The following ADAMTS16 variants were observed in gnomAD, a reference collection of about 807,000 sequenced individuals.
The protein encoded by ADAMTS16 is ADAM metallopeptidase with thrombospondin type 1 motif 16.
ADAMTS16 carries 94 observed loss-of-function variants against 145.8 expected under a neutral mutation model. The observed-to-expected ratio is 0.64, with a 90% CI of 0.55 to 0.77. The LOEUF (loss-of-function observed/expected upper bound fraction) is 0.77, where lower values mean the gene tolerates loss of function less well. Among genes scored for constraint, ADAMTS16 ranks in the 30% least tolerant of loss-of-function variants. ADAMTS16 has a pLI of 0.00. For missense variants in ADAMTS16, 1,585 were observed against 1,591.5 expected (o/e 1.00, Z 0.07); for synonymous variants, 659 against 604.3 (o/e 1.09, Z -1.33).
intron 4 of ADAMTS16, among the ~76,000 whole-genome samples, chr5:5,184,244 T>G (rs1028180437): frequency 1.3e-4 from 19 of 150,772 alleles, no homozygotes; most frequent in African/African-American, 4.6e-4. Context: ...CACCGATGCA[T>G]GGATGTACCA....
At chr5:5,189,846 T>C (rs1735608823) in intron 6 of ADAMTS16, 125 bp from the exon 7 acceptor site, 1 of 1,177,056 alleles carries the variant, frequency 8.5e-7, no homozygotes. Flanking sequence ...CGTTAGCTTA[T>C]ATGCCATCCA....
At chr5:5,306,034 C>T (rs1333928215) in intron 20 of ADAMTS16, among the ~76,000 whole-genome samples, 1 of 152,202 alleles carries the variant, frequency 6.6e-6, no homozygotes, top group Non-Finnish European at 1.5e-5. Flanking sequence ...ACGCACGCTT[C>T]CTTTCCTCGC....
chr5:5,258,756 G>A (rs1737887450), intron 17 of ADAMTS16, among the ~76,000 whole-genome samples: 1 of 152,150 alleles, frequency 6.6e-6, no homozygotes, highest in South Asian at 2.1e-4. Context: ...AGGCTGGGAA[G>A]TCCAGAGCTG....
chr5:5,280,904 G>A (rs1164355864), intron 18 of ADAMTS16, among the ~76,000 whole-genome samples: 1 of 152,178 alleles, frequency 6.6e-6, no homozygotes, highest in East Asian at 1.9e-4. Flanking sequence ...CCAAGTCTGG[G>A]AACCCTCTCA....
At chr5:5,231,182 G>A (rs866168777) in intron 11 of ADAMTS16, among the ~76,000 whole-genome samples, 19 of 152,196 alleles carry the variant, frequency 1.2e-4, no homozygotes, top group African/African-American at 1.2e-4. Flanking sequence ...GTTCTACACC[G>A]GGTGGGAGGG....
At chr5:5,196,918 G>C (rs1182606955) in intron 8 of ADAMTS16, among the ~76,000 whole-genome samples, 1 of 152,164 alleles carries the variant, frequency 6.6e-6, no homozygotes, top group Non-Finnish European at 1.5e-5. Flanking sequence ...TGAGGTCCCT[G>C]CACCTCCACA....
chr5:5,191,285 G>A (rs1340307328), intron 7 of ADAMTS16, among the ~76,000 whole-genome samples: 1 of 152,200 alleles, frequency 6.6e-6, no homozygotes, highest in Non-Finnish European at 1.5e-5. Context: ...GGACCTCCCA[G>A]CACACCCATT....
At chr5:5,277,174 G>T (rs2964390) in intron 18 of ADAMTS16, among the ~76,000 whole-genome samples, 151,622 of 152,338 alleles carry the variant, frequency 1, 75,459 homozygotes, top group East Asian at 1. Context: ...GGTTTGCTAA[G>T]GTAATTTAAA....
intron 6 of ADAMTS16, among the ~76,000 whole-genome samples, chr5:5,188,257 C>A (rs1303501504): frequency 6.6e-6 from 1 of 152,200 alleles, no homozygotes; most frequent in Non-Finnish European, 1.5e-5. Context: ...TATCTCCCAG[C>A]TCTTAACCTT....
At chr5:5,250,800 TTGA>T (rs1737601676) in intron 17 of ADAMTS16, among the ~76,000 whole-genome samples, 1 of 151,862 alleles carries the variant, frequency 6.6e-6, no homozygotes, top group Non-Finnish European at 1.5e-5. Context: ...TCTCTCCAGT[TTGA>T]TATTCTGTGG....
intron 10 of ADAMTS16, among the ~76,000 whole-genome samples, chr5:5,222,257 A>G (rs1303934196): frequency 6.6e-6 from 1 of 152,148 alleles, no homozygotes; most frequent in Non-Finnish European, 1.5e-5. Context: ...TTGCCTGGCA[A>G]GATGCCTCAC....
At chr5:5,283,940 T>C (rs944421962) in intron 18 of ADAMTS16, among the ~76,000 whole-genome samples, 3 of 152,240 alleles carry the variant, frequency 2.0e-5, no homozygotes, top group Non-Finnish European at 4.4e-5. Context: ...TTTTTATACA[T>C]TTCATAAGAT....
At chr5:5,167,779 T>C (rs1231911543) in intron 3 of ADAMTS16, among the ~76,000 whole-genome samples, 1 of 152,260 alleles carries the variant, frequency 6.6e-6, no homozygotes, top group Non-Finnish European at 1.5e-5. Flanking sequence ...GATACAAATG[T>C]CTGTGCTGTT....
chr5:5,158,998 C>T (rs1036430121), intron 3 of ADAMTS16, among the ~76,000 whole-genome samples: 1 of 152,222 alleles, frequency 6.6e-6, no homozygotes, highest in Admixed American at 6.5e-5. Context: ...CACCCAAAGC[C>T]GAAAGGCTGG....
chr5:5,305,554 AC>A (rs1740107360), intron 20 of ADAMTS16, among the ~76,000 whole-genome samples: 3 of 128,588 alleles, frequency 2.3e-5, no homozygotes, highest in African/African-American at 5.5e-5. Flanking sequence ...ACACACACAC[AC>A]ACACACGTCA....
At chr5:5,250,027 C>T (rs918925950) in intron 17 of ADAMTS16, among the ~76,000 whole-genome samples, 3 of 152,172 alleles carry the variant, frequency 2.0e-5, no homozygotes, top group African/African-American at 4.8e-5. Context: ...TTTCTCCTCT[C>T]GATGTTCACA....
intron 10 of ADAMTS16, among the ~76,000 whole-genome samples, chr5:5,213,233 A>AT (rs1188056253): frequency 2.6e-5 from 4 of 152,180 alleles, no homozygotes. Flanking sequence ...ATGTTTTCCT[A>AT]TAGGTCTGTT....
chr5:5,185,996 C>A, intron 4 of ADAMTS16, 56 bp from the exon 5 acceptor site: 1 of 1,478,036 alleles, frequency 6.8e-7, no homozygotes, highest in Non-Finnish European at 9.3e-7. Context: ...CGAGTTACGG[C>A]CCTGATTTTG....
chr5:5,318,988 G>T (rs780398089), intron 22 of ADAMTS16, 35 bp from the exon 23 acceptor site: 1 of 1,494,114 alleles, frequency 6.7e-7, no homozygotes, highest in Non-Finnish European at 9.3e-7. Flanking sequence ...GCTGCACTCG[G>T]GATCGCTGAG....
Sources: allele counts gnomAD v4.1 joint callset (sites outside exome capture counted in the v4.1 genomes callset), GRCh38; gene constraint gnomAD v4.1.1; transcripts MANE v1.5; gene names NCBI Gene and HGNC (gene_info 2026-07-23, HGNC 2026-07-21).